The following ANO2 variants were observed in gnomAD, a reference collection of about 807,000 sequenced individuals.
ANO2 encodes the protein anoctamin 2, also known as anoctamin-2.
ANO2 carries 101 observed loss-of-function variants against 124.2 expected under a neutral mutation model. That is an observed-to-expected ratio of 0.81 (90% CI 0.69 to 0.96). ANO2 has a LOEUF of 0.96. ANO2 is among the 40% of genes least tolerant of loss of function. The pLI is 0.00. For synonymous variants in ANO2, 486 were observed against 482.5 expected (o/e 1.01, Z -0.09); for missense variants, 1,293 against 1,274.5 (o/e 1.01, Z -0.22).
In ANO2 at chr12:5,699,614, G is replaced by T. The variant is rs139906105; in HGVS notation, c.1545+32906C>A. 1.2e-3 allele frequency among the ~76,000 whole-genome samples: 189 copies of T among 152,052 alleles called. 2 individuals are homozygous for T. The East Asian group carries it at 0.016, about 13-fold the overall frequency. On this transcript the variant is annotated intron_variant, in intron 14 of 24. Coordinates refer to ENST00000682330, the MANE Select transcript of ANO2 (RefSeq NM_001364791.2). ...ACATATTAATCTTAAATGTAAATAG[G>T]CTAAATGCTCCAGTTAAAAGACACA...
intron 23 of ANO2, among the ~76,000 whole-genome samples, chr12:5,569,439 C>T (rs553448452): frequency 6.6e-6 from 1 of 152,276 alleles, no homozygotes; most frequent in South Asian, 2.1e-4. Context: ...CCCTCCAGTC[C>T]TCCTTCATTT....
At chr12:5,608,124 A>C (rs1231456045) in intron 19 of ANO2, among the ~76,000 whole-genome samples, 1 of 151,090 alleles carries the variant, frequency 6.6e-6, no homozygotes, top group East Asian at 1.9e-4. Context: ...AATTTACATG[A>C]CTCCTTCCTC....
chr12:5,794,970 C>A (rs1341044472), intron 10 of ANO2, among the ~76,000 whole-genome samples: 1 of 152,234 alleles, frequency 6.6e-6, no homozygotes, highest in Non-Finnish European at 1.5e-5. Flanking sequence ...GCCTGGCCTG[C>A]TGAGAAGCCT....
rs7300313 is a variant in ANO2 at position 5,777,956 on chromosome 12, T to G, written c.1055+21551A>C. ...ACTCCACCTCTGTCCTCAGACTTTA[T>G]CAAAGGGATGGTGTCCAGCTGTTCC... On this transcript the variant is annotated intron_variant, in intron 10 of 24. Coordinates refer to ENST00000682330, the MANE Select transcript of ANO2 (RefSeq NM_001364791.2). Among the ~76,000 whole-genome samples the G allele has an allele frequency of 1.1e-3, 168 of 152,314 alleles. 1 individual carries two copies. Among genetic ancestry groups the G allele is most frequent in the African/African-American group, 4.0e-3 (167 of 41,572 alleles).
intron 14 of ANO2, among the ~76,000 whole-genome samples, chr12:5,690,175 G>C (rs1364147590): frequency 6.6e-6 from 1 of 152,138 alleles, no homozygotes; most frequent in African/African-American, 2.4e-5. Context: ...GAGCTTATGG[G>C]ATTGAAGGCG....
At position 5,671,407 on chromosome 12, in the gene ANO2, A is replaced by G. The variant is rs143826671; in HGVS notation, c.1546-23606T>C. Among the ~76,000 whole-genome samples the G allele has an allele frequency of 2.0e-3, 308 of 151,780 alleles. 1 individual carries two copies. The highest frequency in any genetic ancestry group is 7.0e-3 in the African/African-American group (291 of 41,398). ...CTGCCGAGACAAAAAGCTCATTGCA[A>G]CAGTCTTTGTCCTCCAAAGGAATTG... On this transcript the variant is annotated intron_variant, in intron 14 of 24. Transcript: ENST00000682330.
At chr12:5,643,282 T>C (rs1946472686) in intron 15 of ANO2, among the ~76,000 whole-genome samples, 2 of 152,214 alleles carry the variant, frequency 1.3e-5, no homozygotes, top group Admixed American at 6.5e-5. Flanking sequence ...TTAAACAATA[T>C]AGTTGAGTAT....
At chr12:5,909,079 T>C (rs1052180909) in intron 3 of ANO2, among the ~76,000 whole-genome samples, 3 of 152,140 alleles carry the variant, frequency 2.0e-5, no homozygotes, top group African/African-American at 7.2e-5. Context: ...ATGATGCTGT[T>C]TGCAAGATCC....
At chr12:5,896,132 G>T (rs377278967) in intron 3 of ANO2, among the ~76,000 whole-genome samples, 9 of 152,008 alleles carry the variant, frequency 5.9e-5, no homozygotes, top group Non-Finnish European at 1.3e-4. Context: ...GGACTGGAAG[G>T]GGGGTGAGGT....
intron 14 of ANO2, among the ~76,000 whole-genome samples, chr12:5,665,722 A>G (rs1201284063): frequency 3.8e-5 from 1 of 26,610 alleles, no homozygotes; most frequent in Non-Finnish European, 8.3e-5. Context: ...CCCCACCCCC[A>G]CCCCCACCCA....
At chr12:5,803,437 GC>G (rs1386577229) in intron 9 of ANO2, among the ~76,000 whole-genome samples, 1 of 152,182 alleles carries the variant, frequency 6.6e-6, no homozygotes, top group Non-Finnish European at 1.5e-5. Flanking sequence ...ACACCCACCT[GC>G]AAAGGCTGGA....
chr12:5,617,770 A>G (rs539513598), intron 16 of ANO2, among the ~76,000 whole-genome samples: 96 of 152,350 alleles, frequency 6.3e-4, no homozygotes, highest in South Asian at 2.1e-3. Flanking sequence ...CAGATCACAC[A>G]GTGCCACGCT....
At chr12:5,776,279 G>A (rs1279499019) in intron 10 of ANO2, among the ~76,000 whole-genome samples, 5 of 152,136 alleles carry the variant, frequency 3.3e-5, no homozygotes, top group African/African-American at 9.7e-5. Context: ...ACAGGTGTTC[G>A]ACGACTGACT....
intron 3 of ANO2, among the ~76,000 whole-genome samples, chr12:5,910,638 T>G (rs1940993006): frequency 6.6e-6 from 1 of 152,182 alleles, no homozygotes; most frequent in South Asian, 2.1e-4. Flanking sequence ...TACCCCTGAA[T>G]TCTATCCACA....
intron 6 of ANO2, among the ~76,000 whole-genome samples, chr12:5,830,154 C>T (rs544353446): frequency 6.6e-6 from 1 of 152,148 alleles, no homozygotes; most frequent in East Asian, 1.9e-4. Context: ...TAACTAACAC[C>T]CGCACCAACT....
At chr12:5,895,986 A>G (rs1939754799) in intron 3 of ANO2, among the ~76,000 whole-genome samples, 1 of 152,170 alleles carries the variant, frequency 6.6e-6, no homozygotes, top group African/African-American at 2.4e-5. Context: ...TTTGCAGCAA[A>G]TTGGATGGAG....
chr12:5,913,594 G>A lies in ANO2; in HGVS notation c.534+7446C>T, dbSNP rs903344935. The stretch of plus-strand genomic sequence containing the variant: ...ATAAAGTGCTTGGTTGGTTCTCCTC[G>A]GGATGACAAGGATCCCAGAAGCTCC... On this transcript the variant is annotated intron_variant, in intron 3 of 24. Transcript: ENST00000682330. Among the ~76,000 whole-genome samples, 7 of 152,326 alleles carry A rather than the reference G, an allele frequency of 4.6e-5. No homozygotes were observed. The South Asian group carries it at 6.2e-4, about 14-fold the overall frequency.
chr12:5,797,573 C>T (rs933297827), intron 10 of ANO2, among the ~76,000 whole-genome samples: 16 of 152,168 alleles, frequency 1.1e-4, no homozygotes, highest in African/African-American at 3.6e-4. Flanking sequence ...GACCCTAGTG[C>T]TCCCCACCAC....
chr12:5,696,748 G>A lies in ANO2; in HGVS notation c.1545+35772C>T, dbSNP rs147905653. Among the ~76,000 whole-genome samples the A allele has an allele frequency of 1.7e-3, 262 of 152,252 alleles. 1 individual carries two copies. The highest frequency in any genetic ancestry group is 3.4e-3 in the Middle Eastern group (1 of 294). ...ATGAAATATAAGCATACCAAACATA[G>A]CAATATATTAAAATAAGTACATAAC... is the stretch of plus-strand genomic sequence containing the variant. On this transcript the variant is annotated intron_variant, in intron 14 of 24. Transcript: ENST00000682330.
Sources: allele counts gnomAD v4.1 joint callset (sites outside exome capture counted in the v4.1 genomes callset), GRCh38; gene constraint gnomAD v4.1.1; transcripts MANE v1.5; gene names NCBI Gene and HGNC (gene_info 2026-07-23, HGNC 2026-07-21).